The following CAMK2B variants were observed in gnomAD, a reference collection of about 807,000 sequenced individuals.
CAMK2B encodes calcium/calmodulin-dependent protein kinase type II subunit beta.
Under a neutral mutation model 93.7 loss-of-function variants are expected in CAMK2B, and 27 were observed. The ratio of observed to expected loss-of-function variants is 0.29; its 90% CI spans 0.21 to 0.40. CAMK2B has a LOEUF of 0.40. CAMK2B is among the 10% of genes least tolerant of loss of function. The pLI, the probability that CAMK2B is intolerant of heterozygous loss-of-function variation, is 1.00. For synonymous variants in CAMK2B, 374 were observed against 358.8 expected, an observed-to-expected ratio of 1.04 and a Z score of -0.48; for missense variants, 568 against 895.8, an observed-to-expected ratio of 0.63 and a Z score of 4.67.
At chr7:44,277,209 T>C (rs890654661) in intron 2 of CAMK2B, among the ~76,000 whole-genome samples, 4 of 152,156 alleles carry the variant, frequency 2.6e-5, no homozygotes, top group Admixed American at 2.6e-4. Flanking sequence ...CAACAAGACA[T>C]GTTTTAAGAC....
At position 44,241,418 on chromosome 7, in the gene CAMK2B, G is replaced by A. The variant is rs1324462873; in HGVS notation, c.903+282C>T. Among the ~76,000 whole-genome samples the A allele has an allele frequency of 2.6e-5, 4 of 152,350 alleles. No individual in the cohort carries two copies. The East Asian group carries it at 7.7e-4, about 29-fold the overall frequency. On this transcript the variant is annotated intron_variant, in intron 11 of 23. Transcript: ENST00000395749. ...GGTGAGTGCTGCCTGCAGAGCCCGG[G>A]TGAGGAGCCCACAGCGAGCGCTTCA...
At chr7:44,252,149 C>T (rs979205548) in intron 5 of CAMK2B, among the ~76,000 whole-genome samples, 2 of 152,136 alleles carry the variant, frequency 1.3e-5, no homozygotes, top group South Asian at 2.1e-4. Flanking sequence ...GAGGGGTTGG[C>T]GCTCTGGAGG....
At chr7:44,228,480 G>A (rs1394488979) in intron 19 of CAMK2B, among the ~76,000 whole-genome samples, 2 of 152,116 alleles carry the variant, frequency 1.3e-5, no homozygotes, top group Non-Finnish European at 2.9e-5. Context: ...TAGGGGCATG[G>A]GGGGCCTCGG....
At chr7:44,256,343 G>A (rs774945570) in intron 4 of CAMK2B, among the ~76,000 whole-genome samples, 6 of 152,024 alleles carry the variant, frequency 3.9e-5, no homozygotes, top group Admixed American at 1.3e-4. Context: ...TTGTGCATGT[G>A]AGCACATGTG....
At chr7:44,280,670 G>A (rs763840164) in intron 2 of CAMK2B, among the ~76,000 whole-genome samples, 1 of 152,164 alleles carries the variant, frequency 6.6e-6, no homozygotes, top group African/African-American at 2.4e-5. Flanking sequence ...CTGAGTGTGG[G>A]GTCTCAGTGG....
chr7:44,260,443 C>T (rs1352759366), intron 3 of CAMK2B, among the ~76,000 whole-genome samples: 2 of 152,194 alleles, frequency 1.3e-5, no homozygotes, highest in Non-Finnish European at 2.9e-5. Flanking sequence ...CAAGGGCAGG[C>T]CAGGCCCCAG....
chr7:44,298,418 G>A (rs1788907777), intron 1 of CAMK2B, among the ~76,000 whole-genome samples: 1 of 152,112 alleles, frequency 6.6e-6, no homozygotes, highest in Admixed American at 6.5e-5. Flanking sequence ...TAAATTTAAG[G>A]CTAAAATTAC....
intron 3 of CAMK2B, among the ~76,000 whole-genome samples, chr7:44,262,599 T>C (rs951710758): frequency 5.3e-5 from 8 of 152,222 alleles, no homozygotes; most frequent in Admixed American, 2.0e-4. Context: ...CTCAGCAGAA[T>C]GGCGGCTCAG....
chr7:44,269,221 G>A (rs538767023), intron 2 of CAMK2B, among the ~76,000 whole-genome samples: 526 of 152,320 alleles, frequency 3.5e-3, no homozygotes, highest in Non-Finnish European at 6.0e-3. Context: ...AAGGCTGGGG[G>A]CCTGGTGGGG....
intron 19 of CAMK2B, among the ~76,000 whole-genome samples, chr7:44,227,890 T>C (rs1356066867): frequency 8.9e-6 from 1 of 112,348 alleles, no homozygotes; most frequent in African/African-American, 3.4e-5. Context: ...GAGGGGGATG[T>C]AGGGATAGAG....
intron 4 of CAMK2B, among the ~76,000 whole-genome samples, chr7:44,256,551 A>G (rs933825470): frequency 6.6e-6 from 1 of 152,252 alleles, no homozygotes; most frequent in African/African-American, 2.4e-5. Flanking sequence ...ATACATGTGC[A>G]TTGGGCAGGA....
At chr7:44,325,325 C>A in intron 1 of CAMK2B, 32 bp downstream of exon 1, 37 of 1,201,240 alleles carry the variant, frequency 3.1e-5, no homozygotes, top group Non-Finnish European at 3.8e-5. Context: ...TCTGGGGTCC[C>A]CGGCCCAGCC....
At chr7:44,301,864 A>C (rs1170962698) in intron 1 of CAMK2B, among the ~76,000 whole-genome samples, 1 of 152,212 alleles carries the variant, frequency 6.6e-6, no homozygotes, top group Non-Finnish European at 1.5e-5. Flanking sequence ...AAAGCAAATT[A>C]AATCCAAAGT....
At chr7:44,297,918 G>C (rs1048433622) in intron 1 of CAMK2B, among the ~76,000 whole-genome samples, 3 of 152,220 alleles carry the variant, frequency 2.0e-5, no homozygotes, top group African/African-American at 7.2e-5. Context: ...GAGGTCAGGA[G>C]TTCAAGACCA....
chr7:44,252,178 G>A (rs1490844579), intron 5 of CAMK2B, among the ~76,000 whole-genome samples: 1 of 152,070 alleles, frequency 6.6e-6, no homozygotes, highest in Non-Finnish European at 1.5e-5. Flanking sequence ...CTGGTGTGAT[G>A]AGGAAGCCAC....
intron 2 of CAMK2B, among the ~76,000 whole-genome samples, chr7:44,279,851 C>T (rs1239755492): frequency 2.0e-5 from 3 of 152,172 alleles, no homozygotes; most frequent in Non-Finnish European, 4.4e-5. Context: ...TAGTTTTCTG[C>T]TTGACCCTAA....
At chr7:44,295,713 G>A (rs769339052) in intron 1 of CAMK2B, among the ~76,000 whole-genome samples, 4 of 152,172 alleles carry the variant, frequency 2.6e-5, no homozygotes, top group Admixed American at 6.6e-5. Flanking sequence ...TTTGAAATAT[G>A]CCACGGCGTT....
chr7:44,261,697 G>A (rs1035678041), intron 3 of CAMK2B, among the ~76,000 whole-genome samples: 7 of 152,214 alleles, frequency 4.6e-5, no homozygotes, highest in Admixed American at 3.9e-4. Context: ...TTATTTAATG[G>A]TTTAAAAGAA....
chr7:44,296,845 C>G (rs931668280), intron 1 of CAMK2B, among the ~76,000 whole-genome samples: 9 of 152,016 alleles, frequency 5.9e-5, no homozygotes, highest in African/African-American at 1.9e-4. Flanking sequence ...AAATAAGAAA[C>G]AAAGATGTTC....
Sources: gnomAD v4.1 joint callset for allele counts (sites outside exome capture counted in the v4.1 genomes callset) on GRCh38, gnomAD v4.1.1 for gene constraint, MANE v1.5 for transcripts, NCBI Gene and HGNC (gene_info 2026-07-23, HGNC 2026-07-21) for gene names.